The following RICTOR variants were observed in gnomAD, a reference collection of about 807,000 sequenced individuals.
RICTOR encodes rapamycin-insensitive companion of mTOR.
In RICTOR, 49 loss-of-function variants were observed where a neutral mutation model predicts 214.9. That is an observed-to-expected ratio of 0.23 (90% CI 0.18 to 0.29). The LOEUF (loss-of-function observed/expected upper bound fraction) is 0.29. Ranked by LOEUF, RICTOR falls within the 10% of genes least tolerant of loss-of-function variation. The probability of loss-of-function intolerance (pLI) is 1.00; values close to 1 mark genes in which losing one functional copy is unlikely to be tolerated. For synonymous variants in RICTOR, 717 were observed against 711.3 expected, an observed-to-expected ratio of 1.01 and a Z score of -0.13; for missense variants, 1,625 against 2,047.0, an observed-to-expected ratio of 0.79 and a Z score of 3.98.
intron 12 of RICTOR, among the ~76,000 whole-genome samples, 164 bp from the exon 13 acceptor site, chr5:38,967,591 G>A (rs1036301567): frequency 6.6e-5 from 10 of 152,090 alleles, no homozygotes; most frequent in Admixed American, 2.0e-4. Context: ...GTAAATACAC[G>A]CAGATCTAAT....
In RICTOR at chr5:38,940,583, TGA is replaced by T. The variant is rs1747456484; in HGVS notation, c.*1719_*1720del. On this transcript the variant is annotated 3_prime_UTR_variant, in exon 38 of 38. Coordinates refer to ENST00000357387, the MANE Select transcript of RICTOR (RefSeq NM_152756.5). Reference sequence around the variant, plus strand: ...ATTATTTATCTTCAACTGGATTTTATGAGAGAAAATCTGAAGAACCACTTTTC... The same window carrying T: ...ATTATTTATCTTCAACTGGATTTTATGAGAAAATCTGAAGAACCACTTTTC... The T allele has an allele frequency of 4.3e-6, 1 of 232,564 alleles. No individual in the cohort carries two copies. The highest frequency in any genetic ancestry group is 8.5e-6 in the Non-Finnish European group (1 of 117,522). The allele number at this position is 232,564 out of a possible 1,614,324, so 14.4% of individuals were successfully genotyped here.
intron 5 of RICTOR, among the ~76,000 whole-genome samples, chr5:38,997,807 T>TG (rs1753287859): frequency 6.6e-6 from 1 of 152,210 alleles, no homozygotes. Context: ...GGCAGAGTCC[T>TG]AACAGAAAGC....
intron 2 of RICTOR, among the ~76,000 whole-genome samples, chr5:39,069,769 T>C (rs76112600): frequency 0.025 from 3,862 of 152,316 alleles, 74 homozygotes; most frequent in South Asian, 0.081. Context: ...GCAGCTCCTC[T>C]GCTTCCTAAC....
At chr5:38,976,309 CT>C (rs11356798) in intron 9 of RICTOR, among the ~76,000 whole-genome samples, 144,409 of 151,380 alleles carry the variant, frequency 0.95, 68,997 homozygotes, top group East Asian at 0.99. Context: ...CCTGTGCCAC[CT>C]TTTTTTTTTA....
In RICTOR at chr5:38,967,176, A is replaced by G; in HGVS notation, c.1203T>C (p.Arg401=). The change falls in exon 14 of 38, where the codon CGT becomes CGC. Residue 401 remains arginine (R), a synonymous_variant. Coordinates refer to ENST00000357387, the MANE Select transcript of RICTOR (RefSeq NM_152756.5). ...TAAGTCTTACCTCTAAAAGTCCATT[A>G]CGAATAAATGCAGAGAGTATCAGTG... ...YLALILSAFI[R]NGLLEGLVEV... 1.9e-6 allele frequency: 3 copies of G among 1,608,872 alleles called. No homozygotes were observed. In the South Asian group the frequency reaches 3.3e-5, roughly 18 times the overall value.
In RICTOR at chr5:38,940,778, A is replaced by G. The variant is rs1266149290; in HGVS notation, c.*1526T>C. 4.3e-6 allele frequency: 1 copy of G among 232,112 alleles called. No homozygotes were observed. The highest frequency in any genetic ancestry group is 2.2e-5 in the African/African-American group (1 of 45,308). The allele number at this position is 232,112 out of a possible 1,614,324, so 14.4% of individuals were successfully genotyped here. A position where few individuals can be genotyped will look rare whatever the true frequency, so the allele number is the denominator to read the frequency against. ...AGTTCCAGTAAATAAATTTTTTAAA[A>G]AAGTATCTCTGTGAGTTATGTTTTC... On this transcript the variant is annotated 3_prime_UTR_variant, in exon 38 of 38. Coordinates refer to ENST00000357387, the MANE Select transcript of RICTOR (RefSeq NM_152756.5).
intron 2 of RICTOR, among the ~76,000 whole-genome samples, chr5:39,070,727 T>C (rs1759260290): frequency 6.6e-6 from 1 of 152,212 alleles, no homozygotes; most frequent in South Asian, 2.1e-4. Context: ...CAGGAGGGGT[T>C]TACCCAGGAA....
In RICTOR at chr5:38,982,659, G is replaced by A. The variant is rs76060120; in HGVS notation, c.584-623C>T. Among the ~76,000 whole-genome samples the A allele has an allele frequency of 6.0e-3, 912 of 151,948 alleles. 14 individuals carry two copies. Among genetic ancestry groups the A allele is most frequent in the African/African-American group, 0.019 (800 of 41,458 alleles). ...TGGGATGCTTCCCAAACTAGTTTTTGTACTTTATGATACATTAAAGTTTTC... is the reference window on the plus strand; with the variant it reads ...TGGGATGCTTCCCAAACTAGTTTTTATACTTTATGATACATTAAAGTTTTC... On this transcript the variant is annotated intron_variant, in intron 7 of 37. Coordinates refer to ENST00000357387, the MANE Select transcript of RICTOR (RefSeq NM_152756.5).
intron 7 of RICTOR, among the ~76,000 whole-genome samples, chr5:38,988,743 T>C (rs1752361253): frequency 6.6e-6 from 1 of 152,168 alleles, no homozygotes. Context: ...AGCCAAATCA[T>C]GAGTGAACTC....
In RICTOR at chr5:38,958,693, T is replaced by C; in HGVS notation, c.2317A>G (p.Ile773Val). The C allele has an allele frequency of 1.2e-6, 2 of 1,609,026 alleles. No individual in the cohort carries two copies. Among genetic ancestry groups the C allele is most frequent in the Non-Finnish European group, 1.7e-6 (2 of 1,178,202 alleles). Residue 773 changes from isoleucine to valine, a missense_variant, in exon 23 of 38, where the codon ATC (isoleucine) becomes GTC (valine). This residue lies in a region of RICTOR where 1,214 missense variants were observed against 1,470.5 expected (regional missense o/e 0.83). Coordinates refer to ENST00000357387, the MANE Select transcript of RICTOR (RefSeq NM_152756.5). ...TTGTCTTCACATGCTTCATCGAGGA[T>C]ATCAAGAGCTTCAGAGGAAATCGTT... ...NKTISSEALDILDEACEDKAN... is the reference protein window; with the variant it reads ...NKTISSEALDVLDEACEDKAN...
At position 38,944,505 on chromosome 5, in the gene RICTOR, T is replaced by C; in HGVS notation, c.4854A>G (p.Arg1618=). 2 of 1,612,358 alleles carry C rather than the reference T, an allele frequency of 1.2e-6. No homozygotes were observed. Among genetic ancestry groups the C allele is most frequent in the South Asian group, 1.1e-5 (1 of 90,874 alleles). The change falls in exon 36 of 38, where the codon AGA becomes AGG. Residue 1618 remains arginine, a synonymous_variant. Transcript: ENST00000357387. ...CTGAACTACTCAAATTAATGACTAATCTTAGAACTTCTTTGCGAAGGAGTA... is the reference window on the plus strand; with the variant it reads ...CTGAACTACTCAAATTAATGACTAACCTTAGAACTTCTTTGCGAAGGAGTA... ...CRILLRKEVL[R]LVINLSSSVS... is the part of the protein sequence containing the mutation.
At chr5:39,039,291 C>T (rs1197780345) in intron 2 of RICTOR, among the ~76,000 whole-genome samples, 2 of 152,106 alleles carry the variant, frequency 1.3e-5, no homozygotes, top group African/African-American at 4.8e-5. Flanking sequence ...GGATCCCTTC[C>T]TTACACCTTA....
Position 39,021,115 on chromosome 5 carries a change from T to G in RICTOR, c.119A>C (p.Glu40Ala). ...LTREPSDNLR[E>A]ILQNVARLQG... ...CAATCTGGCCACATTTTGGAGAATC[T>G]CTCTTAAGTTATCAGAAGGTTCTAG... The change falls in exon 3 of 38, where the codon GAG (glutamate) becomes GCG (alanine). Residue 40 changes from glutamate to alanine, a missense_variant. By Grantham distance (107) the Glu-to-Ala change is moderately radical. Coordinates refer to ENST00000357387, the MANE Select transcript of RICTOR (RefSeq NM_152756.5). The G allele has an allele frequency of 6.3e-7, 1 of 1,588,084 alleles. No homozygotes were observed. Among genetic ancestry groups the G allele is most frequent in the South Asian group, 1.1e-5 (1 of 90,562 alleles).
chr5:39,029,257 T>A (rs1756088905), intron 2 of RICTOR, among the ~76,000 whole-genome samples: 2 of 152,192 alleles, frequency 1.3e-5, no homozygotes, highest in African/African-American at 4.8e-5. Flanking sequence ...TTTAAGTCAC[T>A]AATCATAAAA....
intron 6 of RICTOR, among the ~76,000 whole-genome samples, chr5:38,994,652 T>A (rs1398688996): frequency 1.3e-5 from 2 of 152,142 alleles, no homozygotes; most frequent in African/African-American, 4.8e-5. Context: ...ACAAATGGTA[T>A]GTGAGTCAAC....
chr5:39,034,650 G>A (rs1293417039), intron 2 of RICTOR, among the ~76,000 whole-genome samples: 2 of 152,194 alleles, frequency 1.3e-5, no homozygotes, highest in Non-Finnish European at 2.9e-5. Flanking sequence ...CTTAACAAAC[G>A]GCACACCAGG....
At chr5:39,037,429 C>T (rs1756804177) in intron 2 of RICTOR, among the ~76,000 whole-genome samples, 1 of 151,884 alleles carries the variant, frequency 6.6e-6, no homozygotes, top group Non-Finnish European at 1.5e-5. Flanking sequence ...AGAGCAAACA[C>T]ATTCAAAAGC....
intron 3 of RICTOR, among the ~76,000 whole-genome samples, chr5:39,009,345 A>G (rs1291911139): frequency 6.6e-6 from 1 of 152,168 alleles, no homozygotes; most frequent in African/African-American, 2.4e-5. Flanking sequence ...AAAAAGTTAA[A>G]CAAAATTCAA....
chr5:38,968,931 AG>A (rs1190728357), intron 11 of RICTOR, among the ~76,000 whole-genome samples: 1 of 148,326 alleles, frequency 6.7e-6, no homozygotes, highest in Non-Finnish European at 1.5e-5. Context: ...AACCCTGTAT[AG>A]GCCTAGGCTA....
Sources: allele counts gnomAD v4.1 joint callset (sites outside exome capture counted in the v4.1 genomes callset), GRCh38; gene constraint gnomAD v4.1.1; regional missense constraint gnomAD v4.1.1; transcripts MANE v1.5; gene names NCBI Gene and HGNC (gene_info 2026-07-23, HGNC 2026-07-21).